The following WDR70 variants were observed in gnomAD, a reference collection of about 807,000 sequenced individuals.
WDR70 encodes the protein WD repeat domain 70.
WDR70 carries 53 observed loss-of-function variants against 88.6 expected under a neutral mutation model. The observed-to-expected ratio is 0.60, with a 90% CI of 0.48 to 0.75. WDR70 has a LOEUF of 0.75. Among genes scored for constraint, WDR70 ranks in the 30% least tolerant of loss-of-function variants. The probability of loss-of-function intolerance (pLI) is 0.00; values close to 1 mark genes in which losing one functional copy is unlikely to be tolerated. For missense variants in WDR70, 610 were observed against 823.2 expected, an observed-to-expected ratio of 0.74 and a Z score of 3.17; for synonymous variants, 280 against 270.0, an observed-to-expected ratio of 1.04 and a Z score of -0.36.
chr5:37,495,262 A>G (rs1389033504), intron 8 of WDR70, among the ~76,000 whole-genome samples: 1 of 152,040 alleles, frequency 6.6e-6, no homozygotes, highest in Non-Finnish European at 1.5e-5. Context: ...TATATTCCCT[A>G]CTATTTTCTG....
intron 5 of WDR70, among the ~76,000 whole-genome samples, chr5:37,427,481 T>C (rs947166136): frequency 6.6e-6 from 1 of 152,198 alleles, no homozygotes; most frequent in Non-Finnish European, 1.5e-5. Context: ...TACATGTACA[T>C]GTACACACAC....
At chr5:37,543,510 GAGAA>G (rs911121248) in intron 9 of WDR70, among the ~76,000 whole-genome samples, 5 of 151,940 alleles carry the variant, frequency 3.3e-5, no homozygotes, top group East Asian at 3.9e-4. Flanking sequence ...TATATATGGA[GAGAA>G]AGAGAGAGAG....
chr5:37,488,528 C>A (rs1739965372), intron 8 of WDR70, among the ~76,000 whole-genome samples: 2 of 130,662 alleles, frequency 1.5e-5, no homozygotes, highest in South Asian at 4.8e-4. Flanking sequence ...TCTAACTGGA[C>A]TGTTTGGAAA....
chr5:37,489,246 A>G (rs1739989030), intron 8 of WDR70, among the ~76,000 whole-genome samples: 1 of 152,186 alleles, frequency 6.6e-6, no homozygotes, highest in Non-Finnish European at 1.5e-5. Flanking sequence ...TGGTGTTAGT[A>G]GGTTCAGACA....
At chr5:37,591,740 T>C (rs1743536678) in intron 9 of WDR70, among the ~76,000 whole-genome samples, 1 of 152,196 alleles carries the variant, frequency 6.6e-6, no homozygotes, top group Non-Finnish European at 1.5e-5. Context: ...AAGGAAACCA[T>C]AGACTGATAT....
At chr5:37,415,587 AC>A (rs1749695949) in intron 5 of WDR70, among the ~76,000 whole-genome samples, 1 of 126,464 alleles carries the variant, frequency 7.9e-6, no homozygotes, top group Non-Finnish European at 1.7e-5. Flanking sequence ...TCCCTCCCGG[AC>A]GGGGCGGCTG....
intron 8 of WDR70, among the ~76,000 whole-genome samples, chr5:37,514,297 G>A (rs1740811460): frequency 8.2e-6 from 1 of 122,484 alleles, no homozygotes; most frequent in South Asian, 2.9e-4. Context: ...TGGGATTATA[G>A]TTGTGAGCCA....
chr5:37,467,129 AGGTGGG>A (rs1739175686), intron 7 of WDR70, among the ~76,000 whole-genome samples: 1 of 149,440 alleles, frequency 6.7e-6, no homozygotes, highest in Non-Finnish European at 1.5e-5. Context: ...TGGGAGGTTG[AGGTGGG>A]AGAATTGCTT....
intron 9 of WDR70, among the ~76,000 whole-genome samples, chr5:37,554,133 G>A (rs1052584272): frequency 7.2e-6 from 1 of 138,280 alleles, no homozygotes; most frequent in African/African-American, 2.8e-5. Flanking sequence ...TTTTAAGTAC[G>A]CTCAGGTTGT....
At chr5:37,676,901 A>T (rs1383827270) in intron 10 of WDR70, among the ~76,000 whole-genome samples, 2 of 152,098 alleles carry the variant, frequency 1.3e-5, no homozygotes, top group African/African-American at 2.4e-5. Flanking sequence ...GATTATTGCA[A>T]CAATTTCAGA....
intron 11 of WDR70, among the ~76,000 whole-genome samples, chr5:37,699,392 T>TACACACAC (rs1561078827): frequency 1.2e-3 from 5 of 4,278 alleles, no homozygotes; most frequent in African/African-American, 2.0e-3. Flanking sequence ...TGTATGTGTG[T>TACACACAC]ATATATATAT....
chr5:37,628,871 A>G (rs1278495581), intron 10 of WDR70, among the ~76,000 whole-genome samples: 2 of 152,092 alleles, frequency 1.3e-5, no homozygotes, highest in African/African-American at 4.8e-5. Flanking sequence ...AGTGAGTTTT[A>G]TAGTTATACA....
At chr5:37,695,706 T>G (rs1055292653) in intron 10 of WDR70, among the ~76,000 whole-genome samples, 1 of 152,174 alleles carries the variant, frequency 6.6e-6, no homozygotes, top group Admixed American at 6.5e-5. Context: ...GTCGGCACTG[T>G]AGCTCATGCA....
intron 5 of WDR70, among the ~76,000 whole-genome samples, chr5:37,437,372 G>T (rs541461455): frequency 2.1e-4 from 32 of 152,212 alleles, no homozygotes; most frequent in African/African-American, 7.2e-4. Context: ...GTATGCCCCA[G>T]AATAGATAGA....
intron 10 of WDR70, among the ~76,000 whole-genome samples, chr5:37,677,475 C>A (rs1027570836): frequency 1.9e-4 from 29 of 152,088 alleles, no homozygotes; most frequent in African/African-American, 6.8e-4. Flanking sequence ...TTTATTTCTG[C>A]CTTCGTTTCG....
chr5:37,732,210 G>A (rs1193474810), intron 17 of WDR70, among the ~76,000 whole-genome samples: 1 of 152,094 alleles, frequency 6.6e-6, no homozygotes, highest in African/African-American at 2.4e-5. Flanking sequence ...TCCTCTGAGA[G>A]AGAGAGAGAT....
intron 10 of WDR70, among the ~76,000 whole-genome samples, chr5:37,691,126 GC>G (rs1746782007): frequency 6.6e-6 from 1 of 152,152 alleles, no homozygotes; most frequent in Admixed American, 6.6e-5. Flanking sequence ...AAGATACAAA[GC>G]CATTGCATAA....
At chr5:37,510,238 C>G (rs1426361820) in intron 8 of WDR70, among the ~76,000 whole-genome samples, 1 of 151,796 alleles carries the variant, frequency 6.6e-6, no homozygotes, top group South Asian at 2.1e-4. Flanking sequence ...TCACCTTACC[C>G]CTTCCTTCCT....
intron 6 of WDR70, among the ~76,000 whole-genome samples, chr5:37,440,012 C>T (rs991828665): frequency 2.0e-5 from 3 of 152,076 alleles, no homozygotes; most frequent in East Asian, 1.9e-4. Flanking sequence ...ATTATTTAAT[C>T]TAATATCTCA....
Sources: allele counts gnomAD v4.1 joint callset (sites outside exome capture counted in the v4.1 genomes callset), GRCh38; gene constraint gnomAD v4.1.1; transcripts MANE v1.5; gene names NCBI Gene and HGNC (gene_info 2026-07-23, HGNC 2026-07-21).